Variants in MGAT5 observed in about 807,000 individuals in gnomAD.
MGAT5 encodes the protein alpha-1,6-mannosylglycoprotein 6-beta-N-acetylglucosaminyltransferase A.
In MGAT5, 30 loss-of-function variants were observed where a neutral mutation model predicts 94.3. That is an observed-to-expected ratio of 0.32 (90% CI 0.24 to 0.43). MGAT5 has a LOEUF of 0.43. Among genes scored for constraint, MGAT5 ranks in the 20% least tolerant of loss-of-function variants. The pLI, the probability that MGAT5 is intolerant of heterozygous loss-of-function variation, is 1.00. For synonymous variants in MGAT5, 310 were observed against 322.9 expected, an observed-to-expected ratio of 0.96 and a Z score of 0.43; for missense variants, 691 against 905.5, an observed-to-expected ratio of 0.76 and a Z score of 3.04.
At chr2:134,310,220 T>C (rs2105866214) in intron 2 of MGAT5, among the ~76,000 whole-genome samples, 2 of 152,344 alleles carry the variant, frequency 1.3e-5, no homozygotes, top group East Asian at 3.9e-4. Flanking sequence ...TTGTGTTCAC[T>C]CTTGAAATTT....
At chr2:134,214,187 A>G (rs1573874012) in intron 1 of MGAT5, among the ~76,000 whole-genome samples, 1 of 151,858 alleles carries the variant, frequency 6.6e-6, no homozygotes, top group African/African-American at 2.4e-5. Flanking sequence ...ATTTGGTCTT[A>G]CTCCCTAGTT....
chr2:134,258,394 CA>C (rs1016972223), intron 1 of MGAT5, among the ~76,000 whole-genome samples: 47 of 152,350 alleles, frequency 3.1e-4, no homozygotes, highest in Admixed American at 2.1e-3. Context: ...GTCAGCAAAC[CA>C]TGGCCTACGG....
intron 2 of MGAT5, among the ~76,000 whole-genome samples, chr2:134,284,586 C>CAAA (rs139485570): frequency 1.2e-4 from 17 of 143,560 alleles, no homozygotes; most frequent in Admixed American, 4.2e-4. Context: ...TAAAATAGAG[C>CAAA]AAAAAAAAAA....
chr2:134,192,109 C>T (rs1679251791), intron 1 of MGAT5, among the ~76,000 whole-genome samples: 1 of 145,352 alleles, frequency 6.9e-6, no homozygotes, highest in Admixed American at 6.8e-5. Flanking sequence ...GCGCGCTCCT[C>T]GCGCGAGCGG....
intron 8 of MGAT5, among the ~76,000 whole-genome samples, chr2:134,347,974 G>T (rs997519943): frequency 6.6e-6 from 1 of 152,100 alleles, no homozygotes; most frequent in Non-Finnish European, 1.5e-5. Flanking sequence ...GCATTCCCCA[G>T]CCCCACAAAT....
Position 134,257,836 on chromosome 2 carries a change from C to CCTTTTTTTTT in MGAT5, c.241+3192_241+3193insCTTTTTTTTT, listed in dbSNP as rs781189819. Among the ~76,000 whole-genome samples the CCTTTTTTTTT allele has an allele frequency of 9.9e-3, 1,056 of 106,318 alleles. 151 individuals carry two copies. The highest frequency in any genetic ancestry group is 0.012 in the Admixed American group (116 of 9,594). The allele number at this position is 106,318 out of a possible 152,430, so 69.7% of individuals were successfully genotyped here. A position where few individuals can be genotyped will look rare whatever the true frequency, so the allele number is the denominator to read the frequency against. On this transcript the variant is annotated intron_variant, in intron 1 of 15. Transcript: ENST00000281923. The stretch of plus-strand genomic sequence containing the variant: ...TGCATAGGCCATTAGTTTGCAGTCT[C>CCTTTTTTTTT]TTTTTTTTTTTTTTTTTTTGCCATA...
At chr2:134,141,974 A>AAT (rs1686679166) in intron 1 of MGAT5, among the ~76,000 whole-genome samples, 1 of 152,050 alleles carries the variant, frequency 6.6e-6, no homozygotes, top group Non-Finnish European at 1.5e-5. Context: ...AAAAGGAGGG[A>AAT]ATAGGAGCAA....
At chr2:134,234,108 G>A (rs896280475) in intron 1 of MGAT5, among the ~76,000 whole-genome samples, 8 of 152,168 alleles carry the variant, frequency 5.3e-5, no homozygotes, top group African/African-American at 1.9e-4. Context: ...GAAGGAAACA[G>A]TCAGTTGAAA....
At chr2:134,290,842 C>G (rs758669481) in intron 2 of MGAT5, among the ~76,000 whole-genome samples, 1 of 152,172 alleles carries the variant, frequency 6.6e-6, no homozygotes, top group African/African-American at 2.4e-5. Context: ...TGGAATAATT[C>G]TCTCAGATGA....
chr2:134,278,960 C>T (rs1684539777), intron 2 of MGAT5, among the ~76,000 whole-genome samples: 1 of 152,132 alleles, frequency 6.6e-6, no homozygotes, highest in African/African-American at 2.4e-5. Context: ...CCATGTGTGT[C>T]CTTGGACTTT....
Position 134,261,309 on chromosome 2 carries a change from C to T in MGAT5, c.241+6665C>T, listed in dbSNP as rs531226567. ...GATGGTCATAGCTCTCTATGACCCT[C>T]TGCTTCTTCCCAGCTGTGTCCTGGT... On this transcript the variant is annotated intron_variant, in intron 1 of 15. Transcript: ENST00000281923. Among the ~76,000 whole-genome samples, 3 of 152,268 alleles carry T rather than the reference C, an allele frequency of 2.0e-5. No homozygotes were observed. In the East Asian group the frequency reaches 5.8e-4, roughly 29 times the overall value.
At chr2:134,296,842 A>G (rs903605632) in intron 2 of MGAT5, among the ~76,000 whole-genome samples, 1 of 152,202 alleles carries the variant, frequency 6.6e-6, no homozygotes, top group African/African-American at 2.4e-5. Flanking sequence ...ATAAGTTCAT[A>G]CTATGAAATG....
intron 1 of MGAT5, among the ~76,000 whole-genome samples, chr2:134,246,374 C>G (rs957678755): frequency 6.6e-6 from 1 of 152,110 alleles, no homozygotes; most frequent in Non-Finnish European, 1.5e-5. Flanking sequence ...GGCACTGGGC[C>G]ATCTGGGGGA....
chr2:134,175,800 G>C (rs1688435472), intron 1 of MGAT5, among the ~76,000 whole-genome samples: 1 of 152,230 alleles, frequency 6.6e-6, no homozygotes, highest in African/African-American at 2.4e-5. Flanking sequence ...TGGAAGAAAG[G>C]GGTGGAGGCC....
intron 1 of MGAT5, among the ~76,000 whole-genome samples, chr2:134,134,430 C>T (rs1686315469): frequency 1.3e-5 from 2 of 152,180 alleles, no homozygotes; most frequent in Admixed American, 1.3e-4. Flanking sequence ...TTGTTGCTCT[C>T]CTTTCTGCTT....
chr2:134,176,535 T>C (rs1369895426), intron 1 of MGAT5, among the ~76,000 whole-genome samples: 1 of 131,088 alleles, frequency 7.6e-6, no homozygotes, highest in East Asian at 2.3e-4. Flanking sequence ...ATCACACCAC[T>C]GCACTCCAGC....
At chr2:134,150,504 C>G (rs1489481837) in intron 1 of MGAT5, among the ~76,000 whole-genome samples, 1 of 152,180 alleles carries the variant, frequency 6.6e-6, no homozygotes, top group Non-Finnish European at 1.5e-5. Context: ...TCCCTTGCTT[C>G]TTCTGACACC....
chr2:134,205,723 G>A (rs559751485), intron 1 of MGAT5, among the ~76,000 whole-genome samples: 1 of 152,164 alleles, frequency 6.6e-6, no homozygotes, highest in Non-Finnish European at 1.5e-5. Flanking sequence ...ATTTGCAGTC[G>A]TGGGACAGGG....
intron 2 of MGAT5, among the ~76,000 whole-genome samples, chr2:134,273,131 TG>T (rs151315415): frequency 0.084 from 12,635 of 150,564 alleles, 646 homozygotes; most frequent in Middle Eastern, 0.14. Flanking sequence ...CCCCAGAAGG[TG>T]GGGGGGGGTC....
Sources: gnomAD v4.1 joint callset for allele counts (sites outside exome capture counted in the v4.1 genomes callset) on GRCh38, gnomAD v4.1.1 for gene constraint, MANE v1.5 for transcripts, NCBI Gene and HGNC (gene_info 2026-07-23, HGNC 2026-07-21) for gene names.